OXR1: variants seen among roughly 807,000 people sequenced by gnomAD.
The protein encoded by OXR1 is oxidation resistance 1, also known as oxidation resistance protein 1.
In OXR1, 41 loss-of-function variants were observed where a neutral mutation model predicts 104.6. The observed-to-expected ratio is 0.39, with a 90% CI of 0.31 to 0.51. OXR1 has a LOEUF of 0.51. OXR1 is among the 20% of genes least tolerant of loss of function. The pLI, the probability that OXR1 is intolerant of heterozygous loss-of-function variation, is 0.77. For synonymous variants in OXR1, 348 were observed against 348.4 expected (o/e 1.00, Z 0.01); for missense variants, 955 against 1,031.9 (o/e 0.93, Z 1.02).
chr8:106,641,876 A>G (rs776865058), intron 3 of OXR1, among the ~76,000 whole-genome samples: 35 of 152,192 alleles, frequency 2.3e-4, no homozygotes, highest in Non-Finnish European at 4.7e-4. Context: ...GGAGAACAAG[A>G]TGGATGGGTG....
chr8:106,688,237 C>A (rs192430931), intron 6 of OXR1, among the ~76,000 whole-genome samples: 31 of 151,678 alleles, frequency 2.0e-4, no homozygotes, highest in African/African-American at 2.4e-5. Context: ...TATGAAAAAA[C>A]GAAATAATTT....
chr8:106,286,845 A>T (rs979551641), intron 1 of OXR1, among the ~76,000 whole-genome samples: 2 of 152,324 alleles, frequency 1.3e-5, no homozygotes, highest in Admixed American at 1.3e-4. Context: ...TCTAACATGA[A>T]TAACAAGATT....
chr8:106,692,423 A>C (rs751698092), intron 6 of OXR1, among the ~76,000 whole-genome samples: 1 of 152,052 alleles, frequency 6.6e-6, no homozygotes, highest in African/African-American at 2.4e-5. Flanking sequence ...TGTGGGTACA[A>C]GAGATGTAGT....
At chr8:106,307,749 A>G (rs183116693) in intron 1 of OXR1, among the ~76,000 whole-genome samples, 1 of 152,306 alleles carries the variant, frequency 6.6e-6, no homozygotes, top group Non-Finnish European at 1.5e-5. Flanking sequence ...ATTTTAAAAT[A>G]GTAGCATGAC....
chr8:106,532,351 A>G (rs933137914), intron 3 of OXR1, among the ~76,000 whole-genome samples: 2 of 152,266 alleles, frequency 1.3e-5, no homozygotes, highest in African/African-American at 2.4e-5. Context: ...CTGGAATTAC[A>G]TACAATTGGA....
At chr8:106,288,585 TACACACC>T (rs1812602864) in intron 1 of OXR1, among the ~76,000 whole-genome samples, 1 of 138,638 alleles carries the variant, frequency 7.2e-6, no homozygotes, top group Non-Finnish European at 1.5e-5. Context: ...TATATGTATA[TACACACC>T]ATATATATAC....
At chr8:106,638,482 A>G (rs915435819) in intron 3 of OXR1, among the ~76,000 whole-genome samples, 12 of 152,172 alleles carry the variant, frequency 7.9e-5, no homozygotes, top group Non-Finnish European at 1.2e-4. Context: ...AGCCTCATCT[A>G]TCCTCTGTAT....
intron 3 of OXR1, among the ~76,000 whole-genome samples, chr8:106,553,277 T>G (rs1445338262): frequency 1.3e-5 from 2 of 151,300 alleles, no homozygotes; most frequent in Non-Finnish European, 2.9e-5. Context: ...GTCTTGTACT[T>G]TAAAAATCAA....
At chr8:106,657,872 G>A (rs1369459095) in intron 3 of OXR1, 5 of 1,241,440 alleles carry the variant, frequency 4.0e-6, no homozygotes, top group Non-Finnish European at 4.1e-6. Context: ...TGAGGCGCGC[G>A]GAGCCGCCTC....
chr8:106,578,983 C>CTTTTTTTTTTTTT lies in OXR1; in HGVS notation c.220+59847_220+59848insTTTTTTTTTTTTT, dbSNP rs146593561. ...GACCACCTAGGTAACCTCACTTTTT[C>CTTTTTTTTTTTTT]TTTCTTTTTTTTTTTTTTTGCCTAG... On this transcript the variant is annotated intron_variant, in intron 3 of 16. Transcript: ENST00000517566. Among the ~76,000 whole-genome samples, 11 of 131,004 alleles carry CTTTTTTTTTTTTT rather than the reference C, an allele frequency of 8.4e-5. 1 individual carries two copies. The highest frequency in any genetic ancestry group is 9.0e-5 in the African/African-American group (3 of 33,256). The allele number at this position is 131,004 out of a possible 152,430, so 85.9% of individuals were successfully genotyped here.
chr8:106,507,118 G>C (rs1175808122), intron 2 of OXR1, among the ~76,000 whole-genome samples: 1 of 152,070 alleles, frequency 6.6e-6, no homozygotes, highest in African/African-American at 2.4e-5. Flanking sequence ...GCTTATTCAA[G>C]GAATAGTGAA....
chr8:106,283,217 C>G (rs1247714986), intron 1 of OXR1, among the ~76,000 whole-genome samples: 1 of 152,198 alleles, frequency 6.6e-6, no homozygotes, highest in Non-Finnish European at 1.5e-5. Flanking sequence ...TCTCTGTGGG[C>G]TTTCTACAGG....
At chr8:106,417,212 A>G (rs1470042794) in intron 2 of OXR1, among the ~76,000 whole-genome samples, 1 of 152,124 alleles carries the variant, frequency 6.6e-6, no homozygotes. Context: ...AGATCACTAG[A>G]GAATTATACA....
intron 2 of OXR1, among the ~76,000 whole-genome samples, chr8:106,400,180 C>T (rs1356373482): frequency 1.3e-5 from 2 of 152,044 alleles, no homozygotes; most frequent in Non-Finnish European, 2.9e-5. Flanking sequence ...ATGTGTTGCA[C>T]TAGTTTAATG....
intron 2 of OXR1, among the ~76,000 whole-genome samples, chr8:106,504,557 T>C (rs749432975): frequency 1.2e-4 from 19 of 152,210 alleles, no homozygotes; most frequent in Non-Finnish European, 2.4e-4. Context: ...ATCATTTACT[T>C]AATGTATAGC....
intron 1 of OXR1, among the ~76,000 whole-genome samples, chr8:106,304,359 T>C: frequency 6.6e-6 from 1 of 152,162 alleles, no homozygotes; most frequent in East Asian, 1.9e-4. Context: ...CCAGCTATTC[T>C]CAAAAAATGT....
intron 14 of OXR1, 94 bp from the exon 15 acceptor site, chr8:106,742,127 AT>A (rs1834970384): frequency 5.4e-6 from 4 of 741,938 alleles, no homozygotes; most frequent in Non-Finnish European, 9.3e-6. Flanking sequence ...CCAGATTTCT[AT>A]TTTTTGCATT....
intron 2 of OXR1, among the ~76,000 whole-genome samples, chr8:106,362,046 G>A (rs10955420): frequency 0.46 from 70,256 of 151,894 alleles, 16,442 homozygotes; most frequent in African/African-American, 0.53. Context: ...CCTGTCAATA[G>A]AGGATCCACC....
intron 1 of OXR1, among the ~76,000 whole-genome samples, chr8:106,321,292 G>A (rs1049156114): frequency 6.6e-6 from 1 of 152,098 alleles, no homozygotes; most frequent in Non-Finnish European, 1.5e-5. Context: ...ATGTTTCAAA[G>A]AAAAAATGTA....
Sources: gnomAD v4.1 joint callset for allele counts (sites outside exome capture counted in the v4.1 genomes callset) on GRCh38, gnomAD v4.1.1 for gene constraint, MANE v1.5 for transcripts, NCBI Gene and HGNC (gene_info 2026-07-23, HGNC 2026-07-21) for gene names.